PDIA5: variants seen among roughly 807,000 people sequenced by gnomAD.
PDIA5 encodes protein disulfide isomerase family A member 5, also known as protein disulfide-isomerase A5.
PDIA5 carries 58 observed loss-of-function variants against 77.6 expected under a neutral mutation model. The ratio of observed to expected loss-of-function variants is 0.75; its 90% confidence interval spans 0.61 to 0.93. PDIA5 has a LOEUF of 0.93. PDIA5 is among the 40% of genes least tolerant of loss of function. PDIA5 has a pLI of 0.00. For synonymous variants in PDIA5, 250 were observed against 252.1 expected (o/e 0.99, Z 0.08); for missense variants, 630 against 647.7 (o/e 0.97, Z 0.30).
intron 11 of PDIA5, among the ~76,000 whole-genome samples, chr3:123,143,761 T>G (rs1259612982): frequency 1.3e-5 from 2 of 152,188 alleles, no homozygotes; most frequent in Admixed American, 1.3e-4. Flanking sequence ...ACTTGAGGGT[T>G]AGCAGTGTCT....
chr3:123,081,648 T>G (rs1362406772), intron 1 of PDIA5, among the ~76,000 whole-genome samples: 2 of 152,200 alleles, frequency 1.3e-5, no homozygotes, highest in African/African-American at 4.8e-5. Flanking sequence ...CCTTCACCCT[T>G]TTTCCTCAAT....
intron 1 of PDIA5, among the ~76,000 whole-genome samples, chr3:123,069,919 G>A (rs865864628): frequency 1.3e-4 from 20 of 151,934 alleles, no homozygotes; most frequent in East Asian, 1.9e-4. Context: ...GTGAAACCCC[G>A]TCTCTACTAA....
Position 123,100,766 on chromosome 3 carries a change from T to C in PDIA5, c.258-1645T>C, listed in dbSNP as rs1383672637. 2.0e-5 allele frequency among the ~76,000 whole-genome samples: 3 copies of C among 152,244 alleles called. No homozygotes were observed. The East Asian group carries it at 5.8e-4, about 29-fold the overall frequency. On this transcript the variant is annotated intron_variant, in intron 3 of 16. Transcript: ENST00000316218. ...CGTTTTTTACATGTCCACTGATGAG[T>C]GTTGCTTTTAGAATTGAGCTGAGTG...
chr3:123,071,066 A>G (rs932917851), intron 1 of PDIA5, among the ~76,000 whole-genome samples: 8 of 152,130 alleles, frequency 5.3e-5, no homozygotes, highest in African/African-American at 1.9e-4. Flanking sequence ...TGGTTGTAGT[A>G]TATTGTGATT....
intron 1 of PDIA5, among the ~76,000 whole-genome samples, chr3:123,086,518 T>TA (rs1322621116): frequency 1.3e-5 from 2 of 152,230 alleles, no homozygotes; most frequent in African/African-American, 4.8e-5. Context: ...AGATTATTTT[T>TA]AAAAAAATTT....
At chr3:123,104,333 G>A (rs1167126257) in intron 5 of PDIA5, among the ~76,000 whole-genome samples, 1 of 152,220 alleles carries the variant, frequency 6.6e-6, no homozygotes, top group Admixed American at 6.5e-5. Flanking sequence ...GGACAGGACA[G>A]TTCCCTGACT....
At chr3:123,147,492 A>G (rs1022734180) in intron 13 of PDIA5, among the ~76,000 whole-genome samples, 9 of 151,782 alleles carry the variant, frequency 5.9e-5, no homozygotes, top group African/African-American at 2.2e-4. Flanking sequence ...AGACTCTGAG[A>G]CTCTTTTATT....
chr3:123,119,197 A>C (rs1935054259), intron 8 of PDIA5, among the ~76,000 whole-genome samples: 1 of 152,208 alleles, frequency 6.6e-6, no homozygotes, highest in Non-Finnish European at 1.5e-5. Context: ...TTAAGGCTGC[A>C]GGGAGCTATG....
chr3:123,107,459 G>T (rs773961769), intron 6 of PDIA5, among the ~76,000 whole-genome samples: 1 of 152,174 alleles, frequency 6.6e-6, no homozygotes, highest in African/African-American at 2.4e-5. Context: ...GGAGGCCGAG[G>T]CAGGAGGATC....
rs537056266 is a variant in PDIA5, at chr3:123,146,491, C to T, written c.1142+232C>T. Among the ~76,000 whole-genome samples, 56 of 152,328 alleles carry T rather than the reference C, an allele frequency of 3.7e-4. 1 individual carries two copies. Among genetic ancestry groups the T allele is most frequent in the Admixed American group, 2.7e-3 (42 of 15,304 alleles). On this transcript the variant is annotated intron_variant, in intron 13 of 16. Transcript: ENST00000316218. ...ACGCAGCTTCATCGACGCACTAAAC[C>T]GTGTGTTGCTTTTTCTCTGTCTCAG...
chr3:123,075,333 G>T (rs987718130), intron 1 of PDIA5, among the ~76,000 whole-genome samples: 1 of 152,148 alleles, frequency 6.6e-6, no homozygotes, highest in African/African-American at 2.4e-5. Flanking sequence ...AGTTGGCTGG[G>T]GGACCATATA....
intron 3 of PDIA5, among the ~76,000 whole-genome samples, chr3:123,099,875 A>C (rs1168192672): frequency 3.9e-5 from 6 of 152,324 alleles, no homozygotes; most frequent in Admixed American, 3.9e-4. Flanking sequence ...GGCTTGATGG[A>C]AGAGAGAGGA....
At chr3:123,083,730 ATTG>A (rs1454669048) in intron 1 of PDIA5, among the ~76,000 whole-genome samples, 5 of 152,060 alleles carry the variant, frequency 3.3e-5, no homozygotes, top group African/African-American at 1.2e-4. Flanking sequence ...TGCTGTAGTT[ATTG>A]TTGTTATCAA....
At chr3:123,078,368 G>A (rs1421334754) in intron 1 of PDIA5, among the ~76,000 whole-genome samples, 2 of 152,118 alleles carry the variant, frequency 1.3e-5, no homozygotes, top group Non-Finnish European at 2.9e-5. Context: ...AGCTGGGGGC[G>A]GTATCTGGTT....
chr3:123,102,487 C>T lies in PDIA5; in HGVS notation c.334C>T (p.His112Tyr). The T allele has an allele frequency of 1.2e-6, 2 of 1,612,132 alleles. No individual in the cohort carries two copies. Among genetic ancestry groups the T allele is most frequent in the Non-Finnish European group, 1.7e-6 (2 of 1,178,140 alleles). ...SPKDKKVELF[H>Y]YQDGAFHTEY... ...GAAGGACAAAAAGGTTGAATTATTC[C>T]ATTACCAGTAAGTACACATGGGCAT... is the stretch of plus-strand genomic sequence containing the variant. The change falls in exon 4 of 17, where the codon CAT becomes TAT. Residue 112 changes from histidine to tyrosine, a missense_variant. Coordinates refer to ENST00000316218, the MANE Select transcript of PDIA5 (RefSeq NM_006810.4).
intron 3 of PDIA5, among the ~76,000 whole-genome samples, chr3:123,099,121 G>A (rs1246570773): frequency 6.6e-6 from 1 of 152,222 alleles, no homozygotes; most frequent in African/African-American, 2.4e-5. Context: ...TGAGAAGGAG[G>A]GGAGCAGTGC....
At chr3:123,129,708 C>G (rs1376936683) in intron 10 of PDIA5, among the ~76,000 whole-genome samples, 1 of 152,218 alleles carries the variant, frequency 6.6e-6, no homozygotes, top group East Asian at 1.9e-4. Context: ...CCTCCCTCCT[C>G]CTAGCAGATG....
chr3:123,079,818 G>C (rs757039310), intron 1 of PDIA5, among the ~76,000 whole-genome samples: 4 of 152,176 alleles, frequency 2.6e-5, no homozygotes, highest in Non-Finnish European at 5.9e-5. Flanking sequence ...CATATTTTAA[G>C]AGATTCACTA....
At chr3:123,088,270 C>T (rs1282573279) in intron 1 of PDIA5, among the ~76,000 whole-genome samples, 1 of 152,120 alleles carries the variant, frequency 6.6e-6, no homozygotes, top group Non-Finnish European at 1.5e-5. Context: ...TGCTTTTAGC[C>T]CACCCTTCAT....
Sources: gnomAD v4.1 joint callset for allele counts (sites outside exome capture counted in the v4.1 genomes callset) on GRCh38, gnomAD v4.1.1 for gene constraint, MANE v1.5 for transcripts, NCBI Gene and HGNC (gene_info 2026-07-23, HGNC 2026-07-21) for gene names.